Variants in ATF1 observed in about 807,000 individuals in gnomAD.
The protein encoded by ATF1 is cyclic AMP-dependent transcription factor ATF-1.
A neutral mutation model predicts 34.7 loss-of-function variants in ATF1; 16 were observed. That is an observed-to-expected ratio of 0.46 (90% CI 0.31 to 0.70). The LOEUF (loss-of-function observed/expected upper bound fraction) is 0.70. Ranked by LOEUF, ATF1 falls within the 30% of genes least tolerant of loss-of-function variation. ATF1 has a pLI of 0.05. For missense variants in ATF1, 255 were observed against 321.6 expected (o/e 0.79, Z 1.58); for synonymous variants, 105 against 113.1 (o/e 0.93, Z 0.46).
chr12:50,816,711 A>AGGG (rs1941850129), intron 6 of ATF1, among the ~76,000 whole-genome samples: 1 of 152,082 alleles, frequency 6.6e-6, no homozygotes, highest in Admixed American at 6.5e-5. Flanking sequence ...TGGGCAATAT[A>AGGG]GGGAGACCCC....
chr12:50,766,963 T>C (rs1254215153), intron 1 of ATF1, among the ~76,000 whole-genome samples: 1 of 152,114 alleles, frequency 6.6e-6, no homozygotes, highest in Non-Finnish European at 1.5e-5. Context: ...GCCTTGCTAG[T>C]TTGATATTGG....
At chr12:50,784,673 G>A (rs566076387) in intron 2 of ATF1, among the ~76,000 whole-genome samples, 82 of 152,176 alleles carry the variant, frequency 5.4e-4, no homozygotes, top group African/African-American at 1.7e-3. Flanking sequence ...GTTATCTGGC[G>A]TATCTTAAAA....
chr12:50,794,036 C>T (rs1941359720), intron 2 of ATF1, among the ~76,000 whole-genome samples: 1 of 151,828 alleles, frequency 6.6e-6, no homozygotes, highest in African/African-American at 2.4e-5. Flanking sequence ...CTGCAAGCTC[C>T]ACCTCCCAGG....
intron 4 of ATF1, among the ~76,000 whole-genome samples, chr12:50,812,925 G>A (rs548024189): frequency 2.7e-4 from 41 of 151,988 alleles, no homozygotes; most frequent in Admixed American, 5.2e-4. Flanking sequence ...TTATGAATGC[G>A]TGAAAAAAAA....
chr12:50,781,027 A>G (rs1002215705), intron 2 of ATF1, among the ~76,000 whole-genome samples: 2 of 152,126 alleles, frequency 1.3e-5, no homozygotes, highest in African/African-American at 2.4e-5. Flanking sequence ...ATGTTAAAAT[A>G]TAAGAAAAGA....
chr12:50,766,264 A>G (rs1940632542), intron 1 of ATF1, among the ~76,000 whole-genome samples: 1 of 152,170 alleles, frequency 6.6e-6, no homozygotes, highest in Non-Finnish European at 1.5e-5. Flanking sequence ...GGCCCCTCTT[A>G]ATAAAAGGCA....
chr12:50,796,022 T>C lies in ATF1; in HGVS notation c.194+13T>C. 1 of 1,572,482 alleles carries C rather than the reference T, an allele frequency of 6.4e-7. No individual in the cohort carries two copies. The highest frequency in any genetic ancestry group is 8.7e-7 in the Non-Finnish European group (1 of 1,152,890). ...GCCCATCTTACAGGTGAGTACTCTC[T>C]TGTATGAAGCCCTGCATGTTATGAT... On this transcript the variant is annotated intron_variant, in intron 3 of 6. Coordinates refer to ENST00000262053, the MANE Select transcript of ATF1 (RefSeq NM_005171.5).
At chr12:50,787,128 T>C (rs1740382994) in intron 2 of ATF1, among the ~76,000 whole-genome samples, 1 of 152,218 alleles carries the variant, frequency 6.6e-6, no homozygotes, top group African/African-American at 2.4e-5. Context: ...GTGTACTCTC[T>C]TGTTTTCCCA....
intron 2 of ATF1, among the ~76,000 whole-genome samples, chr12:50,781,161 G>A (rs1941052262): frequency 6.6e-6 from 1 of 152,024 alleles, no homozygotes; most frequent in African/African-American, 2.4e-5. Flanking sequence ...CAAGATCTGT[G>A]ATGCTTAAAG....
chr12:50,767,538 AAAG>A (rs745518013), intron 1 of ATF1, among the ~76,000 whole-genome samples: 7 of 152,214 alleles, frequency 4.6e-5, no homozygotes, highest in Non-Finnish European at 8.8e-5. Context: ...AAAAGAAAAA[AAAG>A]AACACCTGTA....
chr12:50,781,010 G>C (rs960470861), intron 2 of ATF1, among the ~76,000 whole-genome samples: 7 of 151,900 alleles, frequency 4.6e-5, no homozygotes, highest in African/African-American at 1.2e-4. Flanking sequence ...AAAAAAGACT[G>C]TATAAAATGT....
At chr12:50,788,729 T>C (rs1259925484) in intron 2 of ATF1, among the ~76,000 whole-genome samples, 1 of 152,186 alleles carries the variant, frequency 6.6e-6, no homozygotes, top group Non-Finnish European at 1.5e-5. Flanking sequence ...CATGGACATG[T>C]GCAAAGTGGC....
intron 3 of ATF1, among the ~76,000 whole-genome samples, chr12:50,800,659 C>T (rs898996919): frequency 1.3e-5 from 2 of 152,124 alleles, no homozygotes; most frequent in Non-Finnish European, 2.9e-5. Flanking sequence ...ATCTAGGTTG[C>T]ATGCTCTTCA....
chr12:50,773,351 A>G (rs915556361), intron 1 of ATF1, among the ~76,000 whole-genome samples: 1 of 152,184 alleles, frequency 6.6e-6, no homozygotes. Context: ...ACTGTCTTCC[A>G]CAATGGTTGA....
intron 3 of ATF1, among the ~76,000 whole-genome samples, chr12:50,797,415 T>C (rs1941429123): frequency 6.6e-6 from 1 of 152,242 alleles, no homozygotes; most frequent in African/African-American, 2.4e-5. Context: ...ACCAGTAAGC[T>C]GACAACAGAT....
At chr12:50,768,036 C>T (rs1247741860) in intron 1 of ATF1, among the ~76,000 whole-genome samples, 3 of 152,074 alleles carry the variant, frequency 2.0e-5, no homozygotes, top group African/African-American at 7.2e-5. Context: ...CTACGCCCAG[C>T]TAATTTTTGT....
chr12:50,773,194 C>T (rs1940821045), intron 1 of ATF1, among the ~76,000 whole-genome samples: 1 of 152,034 alleles, frequency 6.6e-6, no homozygotes, highest in South Asian at 2.1e-4. Context: ...GATTGCATGT[C>T]TTTGCTATTG....
chr12:50,814,543 A>G (rs1941803450), intron 6 of ATF1, 104 bp downstream of exon 6: 3 of 1,216,196 alleles, frequency 2.5e-6, no homozygotes, highest in Middle Eastern at 2.0e-4. Flanking sequence ...CTGCATGACA[A>G]TGTTTAAGTA....
Position 50,814,386 on chromosome 12 carries a change from A to G in ATF1, c.618A>G (p.Thr206=). The G allele has an allele frequency of 6.2e-7, 1 of 1,614,214 alleles. No homozygotes were observed. The highest frequency in any genetic ancestry group is 8.5e-7 in the Non-Finnish European group (1 of 1,180,022). Residue 206 remains threonine, a synonymous_variant, in exon 6 of 7, where the codon ACA becomes ACG. Coordinates refer to ENST00000262053, the MANE Select transcript of ATF1 (RefSeq NM_005171.5). The part of the protein sequence containing the change: ...MTSPVTLTSQ[T]TKTDDPQLKR... Reference sequence around the variant, plus strand: ...CTCCTGTGACTCTCACCTCTCAGACAACTAAGACAGATGACCCCCAATTGA... The same window carrying G: ...CTCCTGTGACTCTCACCTCTCAGACGACTAAGACAGATGACCCCCAATTGA...
Sources: allele counts gnomAD v4.1 joint callset (sites outside exome capture counted in the v4.1 genomes callset), GRCh38; gene constraint gnomAD v4.1.1; transcripts MANE v1.5; gene names NCBI Gene and HGNC (gene_info 2026-07-23, HGNC 2026-07-21).